RNGTT: variants seen among roughly 807,000 people sequenced by gnomAD.
The protein encoded by RNGTT is mRNA-capping enzyme.
RNGTT carries 33 observed loss-of-function variants against 79.3 expected under a neutral mutation model. The observed-to-expected ratio is 0.42, with a 90% CI of 0.32 to 0.56. The LOEUF is 0.56. RNGTT is among the 20% of genes least tolerant of loss of function. The pLI is 0.17. For synonymous variants in RNGTT, 222 were observed against 235.9 expected (o/e 0.94, Z 0.54); for missense variants, 497 against 739.1 (o/e 0.67, Z 3.80).
At chr6:88,884,429 G>A (rs1782791956) in intron 8 of RNGTT, among the ~76,000 whole-genome samples, 1 of 152,070 alleles carries the variant, frequency 6.6e-6, no homozygotes, top group African/African-American at 2.4e-5. Flanking sequence ...TTTCCTAAAA[G>A]AAAGGGGAAA....
chr6:88,875,652 G>A (rs568108975), intron 8 of RNGTT, among the ~76,000 whole-genome samples: 4 of 152,170 alleles, frequency 2.6e-5, no homozygotes, highest in Non-Finnish European at 4.4e-5. Context: ...ATCTTACAGC[G>A]TTGTGAGTAT....
chr6:88,801,296 T>G (rs1210717650), intron 12 of RNGTT, among the ~76,000 whole-genome samples: 1 of 152,210 alleles, frequency 6.6e-6, no homozygotes, highest in Admixed American at 6.5e-5. Flanking sequence ...AAGACTGGTT[T>G]CTTTGAAATG....
chr6:88,768,508 T>C (rs1012732776), intron 13 of RNGTT, among the ~76,000 whole-genome samples: 1 of 152,224 alleles, frequency 6.6e-6, no homozygotes, highest in Non-Finnish European at 1.5e-5. Context: ...CACAGTTTCC[T>C]TTCTTTGATA....
intron 13 of RNGTT, among the ~76,000 whole-genome samples, chr6:88,758,845 T>A (rs1778108725): frequency 1.3e-5 from 2 of 148,576 alleles, no homozygotes; most frequent in African/African-American, 4.9e-5. Flanking sequence ...ATCCATTGAT[T>A]ATTCTTTTTT....
At position 88,931,187 on chromosome 6, in the gene RNGTT, T is replaced by TAAA. The variant is rs34070183; in HGVS notation, c.175-1923_175-1921dup. On this transcript the variant is annotated intron_variant, in intron 2 of 15. Coordinates refer to ENST00000369485, the MANE Select transcript of RNGTT (RefSeq NM_003800.5). ...ACTTTAATGGAATACTATAAAGCTG[T>TAAA]AAAAAAAAAAAAAAAAAAAAAAAGA... 2.0e-3 allele frequency among the ~76,000 whole-genome samples: 200 copies of TAAA among 101,916 alleles called. 1 individual carries two copies. The highest frequency in any genetic ancestry group is 5.4e-3 in the South Asian group (16 of 2,944). The allele number at this position is 101,916 out of a possible 152,430, so 66.9% of individuals were successfully genotyped here.
intron 13 of RNGTT, among the ~76,000 whole-genome samples, chr6:88,679,283 GAA>G (rs1423660346): frequency 6.6e-6 from 1 of 152,188 alleles, no homozygotes. Context: ...AAGGGATCTG[GAA>G]AAGTTTGAAT....
At chr6:88,914,532 T>C (rs1013083519) in intron 4 of RNGTT, among the ~76,000 whole-genome samples, 7 of 151,910 alleles carry the variant, frequency 4.6e-5, no homozygotes, top group Admixed American at 1.3e-4. Context: ...AAATAAGCAA[T>C]GGGAAAAGGG....
chr6:88,768,139 A>C (rs1417592180), intron 13 of RNGTT, among the ~76,000 whole-genome samples: 1 of 148,820 alleles, frequency 6.7e-6, no homozygotes, highest in South Asian at 2.2e-4. Context: ...ATTTAGGGAT[A>C]GTGTGTGTGT....
At chr6:88,893,578 T>A (rs1229146607) in intron 6 of RNGTT, among the ~76,000 whole-genome samples, 1 of 152,176 alleles carries the variant, frequency 6.6e-6, no homozygotes, top group Admixed American at 6.5e-5. Flanking sequence ...AACATTTCTA[T>A]GGGGTTGAAA....
intron 12 of RNGTT, among the ~76,000 whole-genome samples, chr6:88,771,315 G>GTGTGTGTATGTA (rs1303688973): frequency 1.6e-5 from 1 of 62,070 alleles, no homozygotes; most frequent in African/African-American, 6.6e-5. Flanking sequence ...GTGTGTGTGT[G>GTGTGTGTATGTA]TATATATATA....
intron 14 of RNGTT, among the ~76,000 whole-genome samples, chr6:88,632,799 A>G (rs1469227642): frequency 1.3e-5 from 2 of 152,238 alleles, no homozygotes; most frequent in Non-Finnish European, 2.9e-5. Context: ...CTAGTCTAGT[A>G]TAATTCTAAT....
intron 11 of RNGTT, among the ~76,000 whole-genome samples, chr6:88,817,569 T>TAC (rs1376495645): frequency 2.7e-5 from 4 of 147,968 alleles, no homozygotes; most frequent in Non-Finnish European, 4.5e-5. Context: ...CACATACGTG[T>TAC]ACACACACAC....
intron 8 of RNGTT, among the ~76,000 whole-genome samples, chr6:88,858,549 T>C (rs1474637889): frequency 6.6e-6 from 1 of 152,180 alleles, no homozygotes; most frequent in East Asian, 1.9e-4. Flanking sequence ...AATTACTATG[T>C]TCTGAAGAAA....
intron 1 of RNGTT, among the ~76,000 whole-genome samples, chr6:88,961,250 G>A (rs1391283609): frequency 2.6e-5 from 4 of 152,056 alleles, no homozygotes; most frequent in Non-Finnish European, 5.9e-5. Flanking sequence ...TTGCTCCTCA[G>A]TTTGCTGACA....
chr6:88,637,915 C>T (rs1773160251), intron 14 of RNGTT, among the ~76,000 whole-genome samples: 1 of 152,118 alleles, frequency 6.6e-6, no homozygotes, highest in Non-Finnish European at 1.5e-5. Context: ...TTGCCATTCC[C>T]ATTATGGACA....
intron 2 of RNGTT, among the ~76,000 whole-genome samples, chr6:88,929,675 G>A (rs188861867): frequency 4.3e-4 from 65 of 151,862 alleles, no homozygotes; most frequent in African/African-American, 1.3e-3. Context: ...TCAAGCTCTC[G>A]GCACAAATCA....
chr6:88,818,787 G>C (rs1017735510), intron 11 of RNGTT, among the ~76,000 whole-genome samples: 1 of 152,128 alleles, frequency 6.6e-6, no homozygotes, highest in African/African-American at 2.4e-5. Flanking sequence ...ACTGAGAACA[G>C]TTTTAATAAA....
chr6:88,843,302 C>G (rs1430076396), intron 11 of RNGTT, among the ~76,000 whole-genome samples: 1 of 151,934 alleles, frequency 6.6e-6, no homozygotes, highest in East Asian at 1.9e-4. Flanking sequence ...AAGAAATATC[C>G]ACCCATATAA....
intron 4 of RNGTT, among the ~76,000 whole-genome samples, chr6:88,908,628 T>C (rs1783733918): frequency 6.6e-6 from 1 of 152,130 alleles, no homozygotes; most frequent in African/African-American, 2.4e-5. Flanking sequence ...ACCATGGTCC[T>C]CTGGGATCCT....
Sources: allele counts gnomAD v4.1 joint callset (sites outside exome capture counted in the v4.1 genomes callset), GRCh38; gene constraint gnomAD v4.1.1; transcripts MANE v1.5; gene names NCBI Gene and HGNC (gene_info 2026-07-23, HGNC 2026-07-21).